Variants in STX1B observed in about 807,000 individuals in gnomAD.
The protein encoded by STX1B is syntaxin-1B.
STX1B carries 7 observed loss-of-function variants against 39.4 expected under a neutral mutation model. The ratio of observed to expected loss-of-function variants is 0.18; its 90% confidence interval spans 0.10 to 0.33. The LOEUF is 0.33. Among genes scored for constraint, STX1B ranks in the 10% least tolerant of loss-of-function variants. The probability of loss-of-function intolerance (pLI) is 1.00; values close to 1 mark genes in which losing one functional copy is unlikely to be tolerated. For missense variants in STX1B, 198 were observed against 383.2 expected (o/e 0.52, Z 4.04); for synonymous variants, 136 against 144.1 (o/e 0.94, Z 0.40).
intron 1 of STX1B, among the ~76,000 whole-genome samples, chr16:31,002,179 C>T (rs191329269): frequency 6.6e-6 from 1 of 152,126 alleles, no homozygotes; most frequent in Admixed American, 6.5e-5. Context: ...CCCCCTCTTC[C>T]CGCCCACTCT....
chr16:30,997,202 C>T (rs1810488927), intron 5 of STX1B, 143 bp from the exon 6 acceptor site: 1 of 672,148 alleles, frequency 1.5e-6, no homozygotes, highest in Non-Finnish European at 2.6e-6. Flanking sequence ...ACGGTCCCTT[C>T]TTCAGCTCTG....
rs1381856108 is a variant in STX1B, at chr16:30,991,625, T to C, written c.*1196A>G. The C allele has an allele frequency of 6.6e-6, 1 of 152,230 alleles. No individual in the cohort carries two copies. The highest frequency in any genetic ancestry group is 6.6e-5 in the Admixed American group (1 of 15,266). The allele number at this position is 152,230 out of a possible 1,614,324, so 9.4% of individuals were successfully genotyped here. A position where few individuals can be genotyped will look rare whatever the true frequency, so the allele number is the denominator to read the frequency against. ...GGCTCAGGCCTGTAATGCCAGCACT[T>C]AGGGAGGCCAAAGTGGGCGGATCAC... is the stretch of plus-strand genomic sequence containing the variant. On this transcript the variant is annotated 3_prime_UTR_variant, in exon 10 of 10. Coordinates refer to ENST00000215095, the MANE Select transcript of STX1B (RefSeq NM_052874.5).
In STX1B at chr16:30,997,643, C is replaced by A. The variant is rs12928868; in HGVS notation, c.281-68G>T. 6.9e-6 allele frequency: 10 copies of A among 1,456,472 alleles called. No homozygotes were observed. The South Asian group carries it at 9.8e-5, about 14-fold the overall frequency. 90.2% of individuals were successfully genotyped at this position (1,456,472 alleles called of 1,614,324 possible). ...ACATGGGGCGAGGGTCCGGGGCGTA[C>A]GAATGGTCAACACCCCGCGGCAGCG... On this transcript the variant is annotated intron_variant, in intron 4 of 9. Transcript: ENST00000215095.
intron 9 of STX1B, 77 bp downstream of exon 9, chr16:30,993,053 C>T (rs767787563): frequency 2.0e-6 from 3 of 1,464,418 alleles, no homozygotes; most frequent in South Asian, 1.1e-5. Flanking sequence ...GGCCTCCCGC[C>T]CGCTGCCATC....
intron 4 of STX1B, among the ~76,000 whole-genome samples, chr16:30,999,716 ATGCCGGGGGCC>A (rs1338564088): frequency 6.6e-6 from 1 of 152,236 alleles, no homozygotes; most frequent in African/African-American, 2.4e-5. Flanking sequence ...GCTCTGTGCC[ATGCCGGGGGCC>A]TGCTCAGGAG....
chr16:31,000,918 T>C lies in STX1B; in HGVS notation c.280+10A>G, dbSNP rs777541708. ...CTTTTCCTTCCTGGTTGAGGGATTG[T>C]ACTCCTCACCTTTCAATTTGGACCG... On this transcript the variant is annotated intron_variant, in intron 4 of 9. Coordinates refer to ENST00000215095, the MANE Select transcript of STX1B (RefSeq NM_052874.5). 14 of 1,613,858 alleles carry C rather than the reference T, an allele frequency of 8.7e-6. No homozygotes were observed. The Middle Eastern group carries it at 1.3e-3, about 152-fold the overall frequency.
intron 7 of STX1B, among the ~76,000 whole-genome samples, chr16:30,995,207 G>A (rs993250923): frequency 1.3e-5 from 2 of 151,994 alleles, no homozygotes; most frequent in Non-Finnish European, 2.9e-5. Flanking sequence ...CGAACTCCTG[G>A]GCTCAAGCCC....
intron 5 of STX1B, 123 bp from the exon 6 acceptor site, chr16:30,997,182 G>A: frequency 1.4e-6 from 1 of 704,950 alleles, no homozygotes. Context: ...AGGAAGCGCT[G>A]AATTAGTTTA....
chr16:30,994,925 T>C (rs939723519), intron 7 of STX1B, among the ~76,000 whole-genome samples: 24 of 148,342 alleles, frequency 1.6e-4, no homozygotes, highest in African/African-American at 5.7e-4. Context: ...TTTTTGTTCT[T>C]TGTTGAGACA....
At chr16:31,002,167 GC>G (rs1360372360) in intron 1 of STX1B, among the ~76,000 whole-genome samples, 2 of 151,728 alleles carry the variant, frequency 1.3e-5, no homozygotes, top group Non-Finnish European at 2.9e-5. Flanking sequence ...CGCGCCCTGT[GC>G]CCCCCTCTTC....
Position 30,996,740 on chromosome 16 carries a change from G to T in STX1B, c.480C>A (p.Thr160=). Residue 160 remains threonine (T), a synonymous_variant, in exon 7 of 10, where the codon ACC becomes ACA. Coordinates refer to ENST00000215095, the MANE Select transcript of STX1B (RefSeq NM_052874.5). ...RQLEITGRTT[T]NEELEDMLES... is the part of the protein sequence containing the mutation. ...CCAGCATGTCTTCCAGTTCTTCGTT[G>T]GTGGTGGTCCTTCCAGCTGCGGGAA... The T allele has an allele frequency of 1.2e-6, 2 of 1,614,146 alleles. No homozygotes were observed. Among genetic ancestry groups the T allele is most frequent in the Non-Finnish European group, 1.7e-6 (2 of 1,179,980 alleles).
chr16:31,010,406 GCTCCTC>G lies in STX1B; in HGVS notation c.-16_-11del. ...GAGTCCGATCCTTCATCCTGCGACG[GCTCCTC>G]CTCCTCCTCCTAGTCCTCCTGCCTC... On this transcript the variant is annotated 5_prime_UTR_variant, in exon 1 of 10. Transcript: ENST00000215095. The G allele has an allele frequency of 1.3e-6, 2 of 1,488,832 alleles. No individual in the cohort carries two copies. The highest frequency in any genetic ancestry group is 2.6e-5 in the East Asian group (1 of 38,318). 92.2% of individuals were successfully genotyped at this position (1,488,832 alleles called of 1,614,324 possible).
chr16:31,007,704 G>A (rs1201278820), intron 1 of STX1B, among the ~76,000 whole-genome samples: 1 of 152,120 alleles, frequency 6.6e-6, no homozygotes, highest in Non-Finnish European at 1.5e-5. Flanking sequence ...TAAAATAGGG[G>A]CCATGTCCTG....
At position 30,996,776 on chromosome 16, in the gene STX1B, C is replaced by T. The variant is rs749348794; in HGVS notation, c.464-20G>A. ...TTCCAGCTGCGGGAAGAAAGGACTC[C>T]CTGCTCGGGGGCTGGGACAGCCTGG... On this transcript the variant is annotated intron_variant, in intron 6 of 9. Transcript: ENST00000215095. The T allele has an allele frequency of 2.5e-6, 4 of 1,613,590 alleles. No individual in the cohort carries two copies. Among genetic ancestry groups the T allele is most frequent in the Non-Finnish European group, 1.7e-6 (2 of 1,179,676 alleles).
chr16:30,997,437 C>T, intron 5 of STX1B, 65 bp downstream of exon 5: 1 of 1,432,764 alleles, frequency 7.0e-7, no homozygotes, highest in Non-Finnish European at 9.6e-7. Flanking sequence ...GGCCCGCCGG[C>T]CTCCAGCCTG....
At position 30,996,765 on chromosome 16, in the gene STX1B, A is replaced by G; in HGVS notation, c.464-9T>C. The G allele has an allele frequency of 6.2e-7, 1 of 1,613,932 alleles. No individual in the cohort carries two copies. Among genetic ancestry groups the G allele is most frequent in the South Asian group, 1.1e-5 (1 of 91,086 alleles). ...GGTGGTGGTCCTTCCAGCTGCGGGA[A>G]GAAAGGACTCCCTGCTCGGGGGCTG... On this transcript the variant is annotated splice_polypyrimidine_tract_variant and intron_variant, in intron 6 of 9. Coordinates refer to ENST00000215095, the MANE Select transcript of STX1B (RefSeq NM_052874.5).
At position 30,990,805 on chromosome 16, in the gene STX1B, C is replaced by T. The variant is rs917855863; in HGVS notation, c.*2016G>A. 1 of 152,248 alleles carries T rather than the reference C, an allele frequency of 6.6e-6. No individual in the cohort carries two copies. Among genetic ancestry groups the T allele is most frequent in the Admixed American group, 6.5e-5 (1 of 15,288 alleles). 9.4% of individuals were successfully genotyped at this position (152,248 alleles called of 1,614,324 possible). A position where few individuals can be genotyped will look rare whatever the true frequency, so the allele number is the denominator to read the frequency against. ...GGCTACACAACAGGGGAGGTGCTAG[C>T]CCCTTCCTCACACCAGAAATCCAGG... On this transcript the variant is annotated 3_prime_UTR_variant, in exon 10 of 10. Coordinates refer to ENST00000215095, the MANE Select transcript of STX1B (RefSeq NM_052874.5).
At chr16:31,008,109 G>A (rs2056663372) in intron 1 of STX1B, among the ~76,000 whole-genome samples, 1 of 151,058 alleles carries the variant, frequency 6.6e-6, no homozygotes, top group African/African-American at 2.4e-5. Flanking sequence ...ATCCCTCCCA[G>A]TGTCTCAGAG....
intron 1 of STX1B, among the ~76,000 whole-genome samples, chr16:31,003,203 G>A (rs984935582): frequency 7.2e-5 from 11 of 152,172 alleles, no homozygotes; most frequent in Admixed American, 7.2e-4. Flanking sequence ...TCACACAGAC[G>A]CTGGGCCCAC....
Sources: allele counts gnomAD v4.1 joint callset (sites outside exome capture counted in the v4.1 genomes callset), GRCh38; gene constraint gnomAD v4.1.1; transcripts MANE v1.5; gene names NCBI Gene and HGNC (gene_info 2026-07-23, HGNC 2026-07-21).